The following PCDH11X variants were observed in gnomAD, a reference collection of about 807,000 sequenced individuals.
The protein encoded by PCDH11X is protocadherin-11 X-linked.
Under a neutral mutation model 53.3 loss-of-function variants are expected in PCDH11X, and 18 were observed. The observed-to-expected ratio is 0.34, with a 90% CI of 0.23 to 0.50. The LOEUF (loss-of-function observed/expected upper bound fraction) is 0.50. Among genes scored for constraint, PCDH11X ranks in the 20% least tolerant of loss-of-function variants. The pLI is 0.98. For synonymous variants in PCDH11X, 279 were observed against 393.3 expected (o/e 0.71, Z 3.44); for missense variants, 570 against 1,032.4 (o/e 0.55, Z 6.14).
chrX:91,970,244 C>T (rs761065526), intron 6 of PCDH11X, among the ~76,000 whole-genome samples: 1 of 111,314 alleles, frequency 9.0e-6, no homozygotes, highest in African/African-American at 3.3e-5. Flanking sequence ...GCTTCCACCA[C>T]GTGGAAGGGG....
intron 6 of PCDH11X, among the ~76,000 whole-genome samples, chrX:91,882,735 A>T (rs1450792832): frequency 9.0e-6 from 1 of 111,500 alleles, no homozygotes; most frequent in Non-Finnish European, 1.9e-5. Context: ...TGATAATTGC[A>T]GTCTGAGTTA....
At chrX:92,112,331 TAAA>T (rs72029186) in intron 6 of PCDH11X, among the ~76,000 whole-genome samples, 24,317 of 88,920 alleles carry the variant, frequency 0.27, 3,302 homozygotes, top group African/African-American at 0.48. Context: ...GATGTTCTGG[TAAA>T]AAAAAAAAAA....
chrX:92,191,374 C>T lies in PCDH11X; in HGVS notation c.3034-10001C>T, dbSNP rs779246238. On this transcript the variant is annotated intron_variant, in intron 6 of 10. Transcript: ENST00000682573. ...TCCTTTTGTTCTTTATTCAAGTTCCCAGATAATTGAAGTAGATTGTAGACC... is the reference window on the plus strand; with the variant it reads ...TCCTTTTGTTCTTTATTCAAGTTCCTAGATAATTGAAGTAGATTGTAGACC... Among the ~76,000 whole-genome samples the T allele has an allele frequency of 3.5e-3, 389 of 111,807 alleles. 1 individual carries two copies. Among genetic ancestry groups the T allele is most frequent in the Non-Finnish European group, 5.6e-3 (296 of 53,106 alleles).
At chrX:92,401,033 T>A (rs1311077274) in intron 9 of PCDH11X, among the ~76,000 whole-genome samples, 2 of 103,387 alleles carry the variant, frequency 1.9e-5, no homozygotes, top group East Asian at 3.3e-4. Context: ...TTATTTTATT[T>A]GTTTCAAATT....
chrX:92,276,336 C>T (rs1490251142), intron 8 of PCDH11X, among the ~76,000 whole-genome samples: 2 of 107,288 alleles, frequency 1.9e-5, no homozygotes, highest in African/African-American at 6.8e-5. Flanking sequence ...AGTCTTTAGC[C>T]ATTAAGCCAA....
intron 7 of PCDH11X, among the ~76,000 whole-genome samples, chrX:92,217,943 C>T (rs1367243227): frequency 9.2e-6 from 1 of 108,704 alleles, no homozygotes; most frequent in African/African-American, 3.3e-5. Context: ...CAACCTGCTC[C>T]TGAATGACTA....
At chrX:92,553,138 TA>T (rs2074989560) in intron 10 of PCDH11X, among the ~76,000 whole-genome samples, 1 of 108,289 alleles carries the variant, frequency 9.2e-6, no homozygotes, top group African/African-American at 3.4e-5. Flanking sequence ...ATTGTTTGAG[TA>T]GCATCCTTAT....
At chrX:91,910,553 A>T (rs776707126) in intron 6 of PCDH11X, among the ~76,000 whole-genome samples, 2 of 111,219 alleles carry the variant, frequency 1.8e-5, no homozygotes, top group East Asian at 5.7e-4. Flanking sequence ...AAACTAAGTT[A>T]CATCCTTTTG....
intron 7 of PCDH11X, among the ~76,000 whole-genome samples, chrX:92,225,846 T>C (rs1350605951): frequency 8.9e-6 from 1 of 111,970 alleles, no homozygotes; most frequent in Non-Finnish European, 1.9e-5. Context: ...AAGTATGTCC[T>C]AATCAACAGA....
intron 8 of PCDH11X, among the ~76,000 whole-genome samples, chrX:92,298,457 G>T (rs1482006689): frequency 3.6e-5 from 4 of 111,701 alleles, no homozygotes; most frequent in Non-Finnish European, 5.6e-5. Context: ...TTATTGGTTT[G>T]CATTTGTCGA....
intron 5 of PCDH11X, among the ~76,000 whole-genome samples, chrX:91,845,974 T>G (rs770942275): frequency 9.0e-6 from 1 of 111,329 alleles, no homozygotes; most frequent in Non-Finnish European, 1.9e-5. Flanking sequence ...AATTTAAAAT[T>G]TTTCTCCAAC....
intron 8 of PCDH11X, among the ~76,000 whole-genome samples, chrX:92,296,700 A>G (rs1212700545): frequency 4.9e-5 from 5 of 101,807 alleles, no homozygotes; most frequent in Non-Finnish European, 2.0e-5. Flanking sequence ...TAGTGCAGCA[A>G]TGAACATCCA....
At chrX:92,113,511 C>A in intron 6 of PCDH11X, 1 of 1,201,913 alleles carries the variant, frequency 8.3e-7, no homozygotes, top group Non-Finnish European at 1.1e-6. Context: ...CAGAACGAAA[C>A]TCCCTCGTGA....
At chrX:92,515,616 A>C (rs1191177238) in intron 10 of PCDH11X, 3 of 119,081 alleles carry the variant, frequency 2.5e-5, no homozygotes, top group African/African-American at 9.6e-5. Context: ...GCTGAAGATA[A>C]GAAAAATGTA....
chrX:92,080,904 T>G (rs2063846353), intron 6 of PCDH11X, among the ~76,000 whole-genome samples: 1 of 111,193 alleles, frequency 9.0e-6, no homozygotes, highest in African/African-American at 3.3e-5. Flanking sequence ...TGTACAGATT[T>G]TTCTCAGTCT....
rs752594991 is a variant in PCDH11X, at chrX:92,384,481, A to T, written c.3145-3254A>T. 1.3e-3 allele frequency among the ~76,000 whole-genome samples: 140 copies of T among 110,782 alleles called. 1 individual carries two copies. The highest frequency in any genetic ancestry group is 4.6e-3 in the African/African-American group (140 of 30,459). ...GGGGGATTGCAGTAGAGAAGGAGTA[A>T]TTCACGCAGAGTTGGCTGTGTAGGA... On this transcript the variant is annotated intron_variant, in intron 8 of 10. Transcript: ENST00000682573.
chrX:92,303,685 C>A (rs1239293877), intron 8 of PCDH11X, among the ~76,000 whole-genome samples: 1 of 111,744 alleles, frequency 8.9e-6, no homozygotes, highest in Non-Finnish European at 1.9e-5. Flanking sequence ...GTTTAGGAAG[C>A]GATATCTGTC....
chrX:92,095,609 TA>T (rs1041932848), intron 6 of PCDH11X, among the ~76,000 whole-genome samples: 1 of 111,255 alleles, frequency 9.0e-6, no homozygotes, highest in Non-Finnish European at 1.9e-5. Flanking sequence ...CTTTAAACAA[TA>T]AAAAATTCTA....
chrX:92,601,542 C>G (rs1366763657), intron 10 of PCDH11X, among the ~76,000 whole-genome samples: 2 of 107,044 alleles, frequency 1.9e-5, no homozygotes, highest in African/African-American at 6.9e-5. Flanking sequence ...CCATATGACC[C>G]AACCATTCTA....
Sources: allele counts gnomAD v4.1 joint callset (sites outside exome capture counted in the v4.1 genomes callset), GRCh38; gene constraint gnomAD v4.1.1; transcripts MANE v1.5; gene names NCBI Gene and HGNC (gene_info 2026-07-23, HGNC 2026-07-21).